Variants in SLC25A48 observed in about 807,000 individuals in gnomAD.
The protein encoded by SLC25A48 is solute carrier family 25 member 48.
SLC25A48 carries 29 observed loss-of-function variants against 32.2 expected under a neutral mutation model. That is an observed-to-expected ratio of 0.90 (90% confidence interval 0.67 to 1.23). The LOEUF is 1.23. Ranked by LOEUF, SLC25A48 falls within the 50% of genes most tolerant of loss-of-function variation. The pLI is 0.00. For synonymous variants in SLC25A48, 164 were observed against 172.3 expected, an observed-to-expected ratio of 0.95 and a Z score of 0.38; for missense variants, 399 against 422.7, an observed-to-expected ratio of 0.94 and a Z score of 0.49.
intron 3 of SLC25A48, among the ~76,000 whole-genome samples, chr5:135,781,646 C>T (rs1756719087): frequency 8.6e-6 from 1 of 116,208 alleles, no homozygotes. Context: ...CATTCAATAT[C>T]GCAGTGGGTG....
upstream of SLC25A48, among the ~76,000 whole-genome samples, chr5:135,831,574 T>C (rs1206374280): frequency 6.6e-6 from 1 of 152,134 alleles, no homozygotes; most frequent in Non-Finnish European, 1.5e-5. Flanking sequence ...AGGTGACAGC[T>C]GAACTGAGTC....
intron 3 of SLC25A48, among the ~76,000 whole-genome samples, chr5:135,760,360 T>C (rs2127017044): frequency 6.6e-6 from 1 of 152,306 alleles, no homozygotes; most frequent in African/African-American, 2.4e-5. Flanking sequence ...TCTGCCTGTT[T>C]GACTTGGTTG....
At chr5:135,779,913 T>G (rs1460938598) in intron 3 of SLC25A48, among the ~76,000 whole-genome samples, 1 of 115,974 alleles carries the variant, frequency 8.6e-6, no homozygotes, top group African/African-American at 2.6e-5. Flanking sequence ...TACACACCCA[T>G]GAGATATTGA....
At chr5:135,656,050 A>G (rs1580759813) in intron 3 of SLC25A48, among the ~76,000 whole-genome samples, 1 of 152,134 alleles carries the variant, frequency 6.6e-6, no homozygotes, top group East Asian at 1.9e-4. Flanking sequence ...TGTGCAGTGC[A>G]TGGGAGAGGA....
intron 3 of SLC25A48, among the ~76,000 whole-genome samples, chr5:135,674,817 G>T (rs890100609): frequency 6.6e-6 from 1 of 151,902 alleles, no homozygotes; most frequent in Non-Finnish European, 1.5e-5. Context: ...ACATGCATGT[G>T]CATACCTCCC....
intron 2 of SLC25A48, 74 bp downstream of exon 2, chr5:135,842,533 T>C (rs1759095921): frequency 1.4e-6 from 2 of 1,432,790 alleles, no homozygotes; most frequent in Non-Finnish European, 2.0e-6. Flanking sequence ...CTATTCCTGC[T>C]GTTTCTAATC....
intron 1 of SLC25A48, among the ~76,000 whole-genome samples, chr5:135,608,376 A>G (rs1436026549): frequency 6.6e-6 from 1 of 152,254 alleles, no homozygotes; most frequent in Non-Finnish European, 1.5e-5. Flanking sequence ...GAATGGGACC[A>G]GCACCAGCCT....
At chr5:135,583,070 C>T (rs563075143) in intron 1 of SLC25A48, among the ~76,000 whole-genome samples, 23 of 152,082 alleles carry the variant, frequency 1.5e-4, no homozygotes, top group Non-Finnish European at 3.1e-4. Context: ...GGGTTCACTC[C>T]CTATCTGTGG....
At chr5:135,638,079 T>G (rs1752747318) in intron 3 of SLC25A48, among the ~76,000 whole-genome samples, 2 of 152,228 alleles carry the variant, frequency 1.3e-5, no homozygotes, top group African/African-American at 2.4e-5. Context: ...CATCTATGCA[T>G]GTGAAGACCT....
At chr5:135,735,646 G>A (rs1197262356) in intron 3 of SLC25A48, among the ~76,000 whole-genome samples, 2 of 152,182 alleles carry the variant, frequency 1.3e-5, no homozygotes, top group Admixed American at 6.5e-5. Flanking sequence ...TCGGGGAACT[G>A]CGCTAATGCC....
At chr5:135,677,543 G>T (rs1753800558) in intron 3 of SLC25A48, among the ~76,000 whole-genome samples, 1 of 151,870 alleles carries the variant, frequency 6.6e-6, no homozygotes, top group Admixed American at 6.5e-5. Flanking sequence ...TATCTTTGTG[G>T]TTTGCTGATT....
intron 1 of SLC25A48, among the ~76,000 whole-genome samples, chr5:135,616,481 G>A (rs901141279): frequency 4.6e-5 from 7 of 152,192 alleles, no homozygotes; most frequent in African/African-American, 1.7e-4. Flanking sequence ...GACTGCCCTG[G>A]TGTGTTTCAA....
intron 4 of SLC25A48, among the ~76,000 whole-genome samples, chr5:135,823,314 G>A (rs936943730): frequency 1.1e-4 from 16 of 152,176 alleles, no homozygotes; most frequent in Non-Finnish European, 2.2e-4. Context: ...CATAGTCAAT[G>A]TGGGAATGAG....
At chr5:135,755,397 T>C (rs1755872086) in intron 3 of SLC25A48, among the ~76,000 whole-genome samples, 1 of 151,992 alleles carries the variant, frequency 6.6e-6, no homozygotes, top group Admixed American at 6.6e-5. Flanking sequence ...AACAGTATGG[T>C]ATTAATGAAA....
At chr5:135,712,604 G>A (rs529083262) in intron 3 of SLC25A48, among the ~76,000 whole-genome samples, 27 of 152,272 alleles carry the variant, frequency 1.8e-4, no homozygotes, top group Middle Eastern at 3.4e-3. Context: ...GATACTTCTG[G>A]CTTATGCCTG....
At chr5:135,653,999 A>G (rs1047910209) in intron 3 of SLC25A48, 1 of 440,552 alleles carries the variant, frequency 2.3e-6, no homozygotes, top group African/African-American at 2.0e-5. Context: ...CCTGCCATAT[A>G]GAGCCCCTGT....
At chr5:135,703,494 G>T (rs1017345478) in intron 3 of SLC25A48, among the ~76,000 whole-genome samples, 1 of 152,100 alleles carries the variant, frequency 6.6e-6, no homozygotes, top group African/African-American at 2.4e-5. Context: ...TTCTAACAGG[G>T]TGGGCATTTT....
intron 3 of SLC25A48, among the ~76,000 whole-genome samples, chr5:135,636,137 A>G (rs941135419): frequency 6.6e-6 from 1 of 152,238 alleles, no homozygotes; most frequent in African/African-American, 2.4e-5. Context: ...TGTACTGACC[A>G]CCAGATTGCC....
intron 4 of SLC25A48, among the ~76,000 whole-genome samples, chr5:135,819,645 T>A (rs950448900): frequency 6.6e-6 from 1 of 152,202 alleles, no homozygotes; most frequent in African/African-American, 2.4e-5. Context: ...GGGGTTGATA[T>A]AAATATTTGT....
Sources: allele counts gnomAD v4.1 joint callset (sites outside exome capture counted in the v4.1 genomes callset), GRCh38; gene constraint gnomAD v4.1.1; transcripts MANE v1.5; gene names NCBI Gene and HGNC (gene_info 2026-07-23, HGNC 2026-07-21).